Variants in GCNT2 observed in about 807,000 individuals in gnomAD.
GCNT2 encodes glucosaminyl (N-acetyl) transferase 2 (I blood group).
A neutral mutation model predicts 34.2 loss-of-function variants in GCNT2; 34 were observed. That is an observed-to-expected ratio of 1.00 (90% CI 0.76 to 1.32). GCNT2 has a LOEUF of 1.32. GCNT2 is among the 40% of genes most tolerant of loss of function. The probability of loss-of-function intolerance (pLI) is 0.00; values close to 1 mark genes in which losing one functional copy is unlikely to be tolerated. For missense variants in GCNT2, 584 were observed against 489.4 expected, an observed-to-expected ratio of 1.19 and a Z score of -1.82; for synonymous variants, 212 against 188.0, an observed-to-expected ratio of 1.13 and a Z score of -1.04.
chr6:10,617,081 C>G (rs1165333753), intron 3 of GCNT2, among the ~76,000 whole-genome samples: 1 of 152,214 alleles, frequency 6.6e-6, no homozygotes, highest in African/African-American at 2.4e-5. Context: ...TTTGGGCGGT[C>G]GATGGGACTG....
chr6:10,560,711 A>G (rs1241301912), intron 3 of GCNT2, among the ~76,000 whole-genome samples: 2 of 152,114 alleles, frequency 1.3e-5, no homozygotes, highest in East Asian at 3.8e-4. Flanking sequence ...TCATAGAAGT[A>G]GCAGTAAATC....
intron 3 of GCNT2, among the ~76,000 whole-genome samples, chr6:10,606,327 A>G (rs1249349990): frequency 6.6e-6 from 1 of 152,128 alleles, no homozygotes; most frequent in African/African-American, 2.4e-5. Flanking sequence ...CAGGTTTGCT[A>G]ATGTCCCATT....
At chr6:10,599,029 A>G (rs538199338) in intron 3 of GCNT2, among the ~76,000 whole-genome samples, 13 of 152,164 alleles carry the variant, frequency 8.5e-5, no homozygotes, top group Non-Finnish European at 1.9e-4. Context: ...GCAATGAACA[A>G]TTTCCCCTTG....
chr6:10,565,383 AAGGGAAAGCAG>A (rs56872794), intron 3 of GCNT2, among the ~76,000 whole-genome samples: 38,387 of 151,844 alleles, frequency 0.25, 4,899 homozygotes, highest in East Asian at 0.32. Flanking sequence ...TGGTGGGATC[AAGGGAAAGCAG>A]AGGGAAAGCA....
chr6:10,608,911 CCAGA>C (rs1201369566), intron 3 of GCNT2, among the ~76,000 whole-genome samples: 5 of 152,168 alleles, frequency 3.3e-5, no homozygotes, highest in African/African-American at 1.2e-4. Flanking sequence ...GTCAACAGGG[CCAGA>C]CAATGTAGGT....
intron 3 of GCNT2, chr6:10,586,186 C>T: frequency 6.2e-7 from 1 of 1,614,112 alleles, no homozygotes; most frequent in South Asian, 1.1e-5. Flanking sequence ...AATATATTAC[C>T]ATCACCTTTG....
At position 10,627,460 on chromosome 6, in the gene GCNT2, G is replaced by A. The variant is rs1766309146; in HGVS notation, c.*853G>A. The A allele has an allele frequency of 1.3e-5, 2 of 152,326 alleles. No individual in the cohort carries two copies. The highest frequency in any genetic ancestry group is 4.1e-4 in the South Asian group (2 of 4,832). The allele number at this position is 152,326 out of a possible 1,614,324, so 9.4% of individuals were successfully genotyped here. Reference sequence around the variant, plus strand: ...CCCAGTATTATCTTACTTGCAAAATGGAGACCAAATTCTATCCTGTGAGGC... The same window carrying A: ...CCCAGTATTATCTTACTTGCAAAATAGAGACCAAATTCTATCCTGTGAGGC... On this transcript the variant is annotated 3_prime_UTR_variant, in exon 5 of 5. Transcript: ENST00000495262.
intron 3 of GCNT2, chr6:10,556,711 A>C (rs1397500561): frequency 6.2e-7 from 1 of 1,614,222 alleles, no homozygotes; most frequent in East Asian, 2.2e-5. Flanking sequence ...TTCCCTTGGC[A>C]TATATAATGG....
intron 3 of GCNT2, among the ~76,000 whole-genome samples, chr6:10,620,777 C>T (rs1225870164): frequency 1.3e-5 from 2 of 152,246 alleles, no homozygotes; most frequent in Non-Finnish European, 1.5e-5. Context: ...AAATTTATTT[C>T]ATAGACAGGG....
At chr6:10,573,831 C>G (rs986026951) in intron 3 of GCNT2, among the ~76,000 whole-genome samples, 1 of 152,256 alleles carries the variant, frequency 6.6e-6, no homozygotes, top group African/African-American at 2.4e-5. Flanking sequence ...TTCCCCCACA[C>G]TGGGCTGAGA....
At chr6:10,570,794 G>T (rs1763522208) in intron 3 of GCNT2, among the ~76,000 whole-genome samples, 1 of 152,144 alleles carries the variant, frequency 6.6e-6, no homozygotes, top group African/African-American at 2.4e-5. Context: ...TATGTTTTGG[G>T]CCATGTCCTA....
At position 10,582,550 on chromosome 6, in the gene GCNT2, A is replaced by T. The variant is rs529853127; in HGVS notation, c.926-38801A>T. ...ACATCATATATTATATATCATGTAT[A>T]ATATATATCATATATATTTAAATAT... On this transcript the variant is annotated intron_variant, in intron 3 of 4. Coordinates refer to ENST00000495262, the MANE Select transcript of GCNT2 (RefSeq NM_145649.5). Among the ~76,000 whole-genome samples, 478 of 129,818 alleles carry T rather than the reference A, an allele frequency of 3.7e-3. 4 individuals carry two copies. The highest frequency in any genetic ancestry group is 9.0e-3 in the African/African-American group (293 of 32,438). 85.2% of individuals were successfully genotyped at this position (129,818 alleles called of 152,430 possible).
At position 10,529,660 on chromosome 6, in the gene GCNT2, T is replaced by A; in HGVS notation, c.749T>A (p.Leu250Ter). 1 of 1,613,782 alleles carries A rather than the reference T, an allele frequency of 6.2e-7. No homozygotes were observed. The highest frequency in any genetic ancestry group is 8.5e-7 in the Non-Finnish European group (1 of 1,179,922). ...TCCTACGTGATTAAAACAACAAAAT[T>A]AAAAACTCCTCCTCCTCATGACATG... The part of the protein sequence containing the change: ...KNSYVIKTTK[L>*]KTPPPHDMVI... Residue 250 changes from leucine (L) to a stop codon, truncating the protein, a stop_gained, in exon 3 of 5, where the codon TTA becomes TAA. Transcript: ENST00000495262. LOFTEE classifies it high-confidence loss of function.
intron 3 of GCNT2, among the ~76,000 whole-genome samples, chr6:10,571,135 CCTG>C (rs1166069267): frequency 6.6e-6 from 1 of 152,122 alleles, no homozygotes; most frequent in African/African-American, 2.4e-5. Context: ...GGCTGATTGT[CCTG>C]CTCCTTAAAA....
chr6:10,538,634 A>G (rs1344201481), intron 3 of GCNT2, among the ~76,000 whole-genome samples: 2 of 151,556 alleles, frequency 1.3e-5, no homozygotes, highest in African/African-American at 4.9e-5. Context: ...AATGATTTTG[A>G]CTTTTTTTTG....
At chr6:10,564,147 G>A (rs1763174415) in intron 3 of GCNT2, among the ~76,000 whole-genome samples, 1 of 152,102 alleles carries the variant, frequency 6.6e-6, no homozygotes, top group Non-Finnish European at 1.5e-5. Context: ...CTGAACATGT[G>A]CCTATGGGTT....
intron 3 of GCNT2, 58 bp downstream of exon 3, chr6:10,529,894 A>G: frequency 7.5e-7 from 1 of 1,328,880 alleles, no homozygotes; most frequent in African/African-American, 1.4e-5. Context: ...TCAATACTAA[A>G]TAAGTTGCTT....
intron 4 of GCNT2, 144 bp from the exon 5 acceptor site, chr6:10,626,273 A>C (rs931112962): frequency 1.4e-6 from 1 of 706,484 alleles, no homozygotes; most frequent in Non-Finnish European, 2.6e-6. Flanking sequence ...TTGTGGGCTG[A>C]GACTGCACAA....
chr6:10,540,321 C>T (rs1035238008), intron 3 of GCNT2, among the ~76,000 whole-genome samples: 3 of 152,194 alleles, frequency 2.0e-5, no homozygotes, highest in African/African-American at 7.2e-5. Context: ...GCCAAATGGC[C>T]TCCACAACCT....
Sources: allele counts gnomAD v4.1 joint callset (sites outside exome capture counted in the v4.1 genomes callset), GRCh38; gene constraint gnomAD v4.1.1; transcripts MANE v1.5; gene names NCBI Gene and HGNC (gene_info 2026-07-23, HGNC 2026-07-21).